ACOX3: variants seen among roughly 807,000 people sequenced by gnomAD.
ACOX3 encodes peroxisomal acyl-coenzyme A oxidase 3.
A neutral mutation model predicts 81.5 loss-of-function variants in ACOX3; 73 were observed. That is an observed-to-expected ratio of 0.90 (90% confidence interval 0.74 to 1.09). ACOX3 has a LOEUF of 1.09. Ranked by LOEUF, ACOX3 falls within the 50% of genes least tolerant of loss-of-function variation. The pLI, the probability that ACOX3 is intolerant of heterozygous loss-of-function variation, is 0.00. For synonymous variants in ACOX3, 387 were observed against 375.1 expected (o/e 1.03, Z -0.37); for missense variants, 947 against 928.0 (o/e 1.02, Z -0.27).
In ACOX3 at chr4:8,405,903, G is replaced by A. The variant is rs372679662; in HGVS notation, c.776+52C>T. ...TGAGATCTCAGACATGAGCGACAAC[G>A]CAGCCTGGGCCTTGGCAGGAAGCTC... On this transcript the variant is annotated intron_variant, in intron 7 of 17. Transcript: ENST00000356406. The surrounding 1 kb of genome is among the most constrained non-coding windows in gnomAD (Gnocchi z 7.1). 64 of 1,550,146 alleles carry A rather than the reference G, an allele frequency of 4.1e-5. No individual in the cohort carries two copies. The African/African-American group carries it at 7.3e-4, about 18-fold the overall frequency.
rs975818937 is a variant in ACOX3 at position 8,423,175 on chromosome 4, A to C, written c.-14-6640T>G. Among the ~76,000 whole-genome samples, 2 of 152,102 alleles carry C rather than the reference A, an allele frequency of 1.3e-5. No homozygotes were observed. Among genetic ancestry groups the C allele is most frequent in the South Asian group, 2.1e-4 (1 of 4,834 alleles). On this transcript the variant is annotated intron_variant, in intron 1 of 17. Transcript: ENST00000356406. The surrounding 1 kb of genome is among the most constrained non-coding windows in gnomAD (Gnocchi z 4.2). ...GGGTCCTAGGATAGGCAGTCACTAG[A>C]TACTTCTCCCAGCCACTAAGTTGTG...
In ACOX3 at chr4:8,428,543, C is replaced by T. The variant is rs577585785; in HGVS notation, c.-14-12008G>A. ...CATCGAACCGCGCCACCCTCGTTGC[C>T]CTGGAAACGCGGACGCCGCTGCCAC... On this transcript the variant is annotated intron_variant, in intron 1 of 17. Coordinates refer to ENST00000356406, the MANE Select transcript of ACOX3 (RefSeq NM_003501.3). 4 of 152,422 alleles carry T rather than the reference C, an allele frequency of 2.6e-5. No individual in the cohort carries two copies. The South Asian group carries it at 6.2e-4, about 24-fold the overall frequency. 9.4% of individuals were successfully genotyped at this position (152,422 alleles called of 1,614,324 possible).
rs909829618 is a variant in ACOX3 at position 8,399,586 on chromosome 4, G to A, written c.843C>T (p.Thr281=). ...AGGGGCTGACATAGGTGCCCTCGGGGGTGACGTCTCCCATCCGGTTCAGAA... is the reference window on the plus strand; with the variant it reads ...AGGGGCTGACATAGGTGCCCTCGGGAGTGACGTCTCCCATCCGGTTCAGAA... ...QSLLNRMGDV[T]PEGTYVSPFK... Residue 281 remains threonine, a synonymous_variant, in exon 8 of 18, where the codon ACC becomes ACT. Coordinates refer to ENST00000356406, the MANE Select transcript of ACOX3 (RefSeq NM_003501.3). This position sits in a 1 kb window ranked among gnomAD's most constrained non-coding sequence, Gnocchi z 4.9. 2.5e-5 allele frequency: 41 copies of A among 1,614,158 alleles called. No individual in the cohort carries two copies. Among genetic ancestry groups the A allele is most frequent in the Non-Finnish European group, 3.3e-5 (39 of 1,179,994 alleles).
chr4:8,435,007 CA>C (rs1272922846), intron 1 of ACOX3, among the ~76,000 whole-genome samples: 3 of 151,904 alleles, frequency 2.0e-5, no homozygotes, highest in Admixed American at 2.0e-4. Flanking sequence ...AAAAATAGGT[CA>C]AACACAAAGT....
At chr4:8,372,534 T>C (rs1266092478) in intron 16 of ACOX3, among the ~76,000 whole-genome samples, 1 of 152,214 alleles carries the variant, frequency 6.6e-6, no homozygotes. Flanking sequence ...AATTTGGCTC[T>C]TGGAGGAGCC....
Position 8,381,687 on chromosome 4 carries a change from C to A in ACOX3, c.1538-80G>T, listed in dbSNP as rs1431264043. 15 of 1,053,456 alleles carry A rather than the reference C, an allele frequency of 1.4e-5. No individual in the cohort carries two copies. Among genetic ancestry groups the A allele is most frequent in the Non-Finnish European group, 2.1e-5 (15 of 698,350 alleles). The allele number at this position is 1,053,456 out of a possible 1,614,324, so 65.3% of individuals were successfully genotyped here. A position where few individuals can be genotyped will look rare whatever the true frequency, so the allele number is the denominator to read the frequency against. On this transcript the variant is annotated intron_variant, in intron 13 of 17. Transcript: ENST00000356406. The surrounding 1 kb of genome is among the most constrained non-coding windows in gnomAD (Gnocchi z 4.3). The stretch of plus-strand genomic sequence containing the variant: ...TCACAACTCACCCCCAGGGACAAGG[C>A]ACTGCCAGCATCCTGCAGGTACCAG...
chr4:8,359,994 T>C, the ACOX3 span, among the ~76,000 whole-genome samples: 1 of 152,230 alleles, frequency 6.6e-6, no homozygotes, highest in South Asian at 2.1e-4. The surrounding 1 kb of genome is among the most constrained non-coding windows in gnomAD (Gnocchi z 6.0). Flanking sequence ...AGGACACCTT[T>C]AAGCCTGCTT....
intron 1 of ACOX3, among the ~76,000 whole-genome samples, chr4:8,425,661 C>T (rs1723402313): frequency 6.7e-6 from 1 of 149,548 alleles, no homozygotes; most frequent in African/African-American, 2.5e-5. Context: ...TAGATTTTAC[C>T]CACATGCCCA....
rs780067211 is a variant in ACOX3 at position 8,399,696 on chromosome 4, C to G, written c.777-44G>C. 1.1e-5 allele frequency: 17 copies of G among 1,557,448 alleles called. No individual in the cohort carries two copies. In the East Asian group the frequency reaches 2.9e-4, roughly 27 times the overall value. ...GCTTCTGTTAAACAGGGGTCCTGCC[C>G]TGAGGCTCTTCTCTTCTCCAAGGGC... On this transcript the variant is annotated intron_variant, in intron 7 of 17. Coordinates refer to ENST00000356406, the MANE Select transcript of ACOX3 (RefSeq NM_003501.3). This position sits in a 1 kb window ranked among gnomAD's most constrained non-coding sequence, Gnocchi z 4.9.
At chr4:8,438,137 T>C (rs1211337841) in intron 1 of ACOX3, among the ~76,000 whole-genome samples, 1 of 152,230 alleles carries the variant, frequency 6.6e-6, no homozygotes, top group Non-Finnish European at 1.5e-5. Context: ...TGTTTGCACC[T>C]TTCCAGGGTA....
At chr4:8,426,698 T>C (rs1236118318) in intron 1 of ACOX3, among the ~76,000 whole-genome samples, 1 of 152,016 alleles carries the variant, frequency 6.6e-6, no homozygotes, top group Non-Finnish European at 1.5e-5. Flanking sequence ...TCCACACCCA[T>C]ATGCCCCTGC....
At chr4:8,433,857 T>C (rs1560210479) in intron 1 of ACOX3, among the ~76,000 whole-genome samples, 1 of 152,200 alleles carries the variant, frequency 6.6e-6, no homozygotes, top group Non-Finnish European at 1.5e-5. Flanking sequence ...AAATTGGCAG[T>C]ATCCAACCTT....
Position 8,430,349 on chromosome 4 carries a change from C to G in ACOX3, c.-15+10299G>C, listed in dbSNP as rs950404229. Among the ~76,000 whole-genome samples the G allele has an allele frequency of 1.5e-4, 23 of 152,298 alleles. 1 individual carries two copies. Among genetic ancestry groups the G allele is most frequent in the African/African-American group, 5.5e-4 (23 of 41,552 alleles). On this transcript the variant is annotated intron_variant, in intron 1 of 17. Coordinates refer to ENST00000356406, the MANE Select transcript of ACOX3 (RefSeq NM_003501.3). The surrounding 1 kb of genome is among the most constrained non-coding windows in gnomAD (Gnocchi z 5.2). ...GGGTCTATTGTGTTTTTGCAAAGGT[C>G]CCTGAATCCCCAGGAGCAACAAGGA...
chr4:8,385,369 C>T lies in ACOX3; in HGVS notation c.1538-3762G>A, dbSNP rs911163703. 3.3e-5 allele frequency among the ~76,000 whole-genome samples: 5 copies of T among 152,152 alleles called. No individual in the cohort carries two copies. The highest frequency in any genetic ancestry group is 1.2e-4 in the African/African-American group (5 of 41,432). On this transcript the variant is annotated intron_variant, in intron 13 of 17. Transcript: ENST00000356406. This position sits in a 1 kb window ranked among gnomAD's most constrained non-coding sequence, Gnocchi z 5.5. The stretch of plus-strand genomic sequence containing the variant: ...GACCTCACTGTGCACTCCACGTGAC[C>T]TCACCACTCACCCCATGTGACCCCA...
intron 13 of ACOX3, among the ~76,000 whole-genome samples, chr4:8,388,562 C>T (rs891021800): frequency 4.6e-5 from 7 of 152,258 alleles, no homozygotes; most frequent in Middle Eastern, 3.2e-3. Flanking sequence ...GCCACAGACC[C>T]CGTGTGGGTG....
intron 14 of ACOX3, among the ~76,000 whole-genome samples, chr4:8,379,828 C>T (rs112888601): frequency 0.061 from 9,258 of 152,262 alleles, 496 homozygotes; most frequent in African/African-American, 0.15. Flanking sequence ...CTCTGTTGCC[C>T]GTGCTGGAGT....
downstream of ACOX3, among the ~76,000 whole-genome samples, chr4:8,364,125 C>G (rs1344164899): frequency 6.6e-6 from 1 of 152,176 alleles, no homozygotes; most frequent in East Asian, 1.9e-4. This position sits in a 1 kb window ranked among gnomAD's most constrained non-coding sequence, Gnocchi z 5.0. Context: ...CTGTAACACA[C>G]CTATACCTAG....
downstream of ACOX3, among the ~76,000 whole-genome samples, chr4:8,363,945 T>C (rs186832192): frequency 6.6e-6 from 1 of 152,304 alleles, no homozygotes; most frequent in East Asian, 1.9e-4. Flanking sequence ...GAAATAACCA[T>C]AAAAATGGGC....
intron 15 of ACOX3, chr4:8,374,613 T>G (rs1366609225): frequency 4.9e-6 from 1 of 202,694 alleles, no homozygotes; most frequent in East Asian, 1.1e-4. Context: ...CCAGGAAGCC[T>G]TCCAGTATTC....
Sources: gnomAD v4.1 joint callset for allele counts (sites outside exome capture counted in the v4.1 genomes callset) on GRCh38, gnomAD v4.1.1 for gene constraint, Gnocchi (gnomAD v3.1) non-coding constraint, MANE v1.5 for transcripts, NCBI Gene and HGNC (gene_info 2026-07-23, HGNC 2026-07-21) for gene names.